ADAMTS18: variants seen among roughly 807,000 people sequenced by gnomAD.
ADAMTS18 encodes A disintegrin and metalloproteinase with thrombospondin motifs 18.
In ADAMTS18, 157 loss-of-function variants were observed where a neutral mutation model predicts 165.9. The ratio of observed to expected loss-of-function variants is 0.95; its 90% CI spans 0.83 to 1.08. ADAMTS18 has a LOEUF of 1.08. Ranked by LOEUF, ADAMTS18 falls within the 50% of genes least tolerant of loss-of-function variation. ADAMTS18 has a pLI of 0.00. For missense variants in ADAMTS18, 2,040 were observed against 1,534.0 expected (o/e 1.33, Z -5.51); for synonymous variants, 782 against 578.2 (o/e 1.35, Z -5.06).
chr16:77,405,814 T>A (rs569960772), intron 3 of ADAMTS18, among the ~76,000 whole-genome samples: 3 of 152,148 alleles, frequency 2.0e-5, no homozygotes, highest in Non-Finnish European at 2.9e-5. Context: ...CTCTCCCTCT[T>A]CTTATAAAGA....
chr16:77,360,042 C>T (rs1375314337), intron 7 of ADAMTS18, among the ~76,000 whole-genome samples: 2 of 152,192 alleles, frequency 1.3e-5, no homozygotes, highest in African/African-American at 4.8e-5. Context: ...TCTTCAAATA[C>T]AATACAGTGT....
intron 12 of ADAMTS18, among the ~76,000 whole-genome samples, chr16:77,332,788 G>A (rs962784242): frequency 6.6e-6 from 1 of 152,168 alleles, no homozygotes; most frequent in Non-Finnish European, 1.5e-5. Context: ...GGTGACCACA[G>A]GCCAATTGCA....
intron 10 of ADAMTS18, among the ~76,000 whole-genome samples, chr16:77,343,613 C>T (rs1163434407): frequency 4.6e-5 from 7 of 152,158 alleles, no homozygotes; most frequent in African/African-American, 7.2e-5. Flanking sequence ...CAAAGGCAGG[C>T]CTCAAGCTGG....
intron 19 of ADAMTS18, 133 bp from the exon 20 acceptor site, chr16:77,293,391 G>A: frequency 1.3e-6 from 1 of 776,936 alleles, no homozygotes; most frequent in South Asian, 1.6e-5. Flanking sequence ...CTTTTTACGA[G>A]ATCTACTTAA....
At chr16:77,333,289 A>G (rs1358724766) in intron 12 of ADAMTS18, among the ~76,000 whole-genome samples, 1 of 152,016 alleles carries the variant, frequency 6.6e-6, no homozygotes, top group African/African-American at 2.4e-5. Flanking sequence ...GTGTTTTCTC[A>G]CACTAGGGCC....
At chr16:77,397,286 C>A (rs2057271060) in intron 3 of ADAMTS18, among the ~76,000 whole-genome samples, 1 of 152,132 alleles carries the variant, frequency 6.6e-6, no homozygotes, top group Non-Finnish European at 1.5e-5. Flanking sequence ...ACACTGTATA[C>A]AAAAGAAGGG....
intron 3 of ADAMTS18, among the ~76,000 whole-genome samples, chr16:77,425,056 A>G (rs958104863): frequency 6.6e-6 from 1 of 152,214 alleles, no homozygotes; most frequent in African/African-American, 2.4e-5. Flanking sequence ...GTCATAAAAT[A>G]CTTTTGAAAG....
intron 3 of ADAMTS18, among the ~76,000 whole-genome samples, chr16:77,368,393 C>A (rs8056994): frequency 0.1 from 15,890 of 151,634 alleles, 2,290 homozygotes; most frequent in African/African-American, 0.32. Flanking sequence ...ATAAAAATAC[C>A]CCCACTCATT....
At chr16:77,367,348 T>C (rs1428166521) in intron 4 of ADAMTS18, 93 bp downstream of exon 4, 49 of 1,472,706 alleles carry the variant, frequency 3.3e-5, no homozygotes, top group East Asian at 4.6e-5. Flanking sequence ...GGTAGCCCCA[T>C]TTTGACTTGC....
chr16:77,391,249 C>T (rs1029526577), intron 3 of ADAMTS18, among the ~76,000 whole-genome samples: 1 of 151,984 alleles, frequency 6.6e-6, no homozygotes, highest in African/African-American at 2.4e-5. Context: ...ATGCCTGTAA[C>T]CCCAGCACTT....
intron 12 of ADAMTS18, among the ~76,000 whole-genome samples, chr16:77,332,111 C>T (rs1162678084): frequency 1.3e-5 from 2 of 152,092 alleles, no homozygotes; most frequent in Non-Finnish European, 2.9e-5. Context: ...GAATCTGGAG[C>T]AGGAAGACTA....
chr16:77,427,673 A>G (rs2057690614), intron 3 of ADAMTS18, among the ~76,000 whole-genome samples: 1 of 152,230 alleles, frequency 6.6e-6, no homozygotes, highest in African/African-American at 2.4e-5. Context: ...ATCTCTAAAC[A>G]TAACAGTAGG....
At chr16:77,423,169 A>C (rs17621255) in intron 3 of ADAMTS18, among the ~76,000 whole-genome samples, 1 of 152,144 alleles carries the variant, frequency 6.6e-6, no homozygotes, top group African/African-American at 2.4e-5. Context: ...AACTACTTAT[A>C]ACGCCAGCTT....
chr16:77,332,074 T>C lies in ADAMTS18; in HGVS notation c.1859+3682A>G, dbSNP rs377231472. Among the ~76,000 whole-genome samples the C allele has an allele frequency of 4.6e-5, 7 of 152,302 alleles. 1 individual carries two copies. In the East Asian group the frequency reaches 1.2e-3, roughly 25 times the overall value. On this transcript the variant is annotated intron_variant, in intron 12 of 22. Transcript: ENST00000282849. ...ATGTTAACTCAGTTGACATAGGTAC[T>C]ATCGTTATCCCGTTTTTATAAGTGA...
chr16:77,376,374 C>G (rs1056007980), intron 3 of ADAMTS18, among the ~76,000 whole-genome samples: 9 of 152,174 alleles, frequency 5.9e-5, no homozygotes, highest in Non-Finnish European at 8.8e-5. Flanking sequence ...CTGGGAATTA[C>G]AAATCCACGT....
chr16:77,313,341 G>A (rs937718452), intron 16 of ADAMTS18, among the ~76,000 whole-genome samples: 1 of 151,996 alleles, frequency 6.6e-6, no homozygotes, highest in African/African-American at 2.4e-5. Flanking sequence ...TATACCTAAC[G>A]TAAATGACGA....
At position 77,364,353 on chromosome 16, in the gene ADAMTS18, G is replaced by A; in HGVS notation, c.807C>T (p.Thr269=). 2 of 1,613,820 alleles carry A rather than the reference G, an allele frequency of 1.2e-6. No homozygotes were observed. The highest frequency in any genetic ancestry group is 1.7e-6 in the Non-Finnish European group (2 of 1,179,996). Residue 269 remains threonine (T), a synonymous_variant, in exon 5 of 23, where the codon ACC becomes ACT. Coordinates refer to ENST00000282849, the MANE Select transcript of ADAMTS18 (RefSeq NM_199355.4). The part of the protein sequence containing the change: ...KYAPKPPTED[T]YLRFDEYGSS... ...TCCCATATTCATCAAACCTTAGATA[G>A]GTGTCCTCTGTGGGAGGCTTGGGAG... is the stretch of plus-strand genomic sequence containing the variant.
chr16:77,413,819 A>C (rs2057495683), intron 3 of ADAMTS18, among the ~76,000 whole-genome samples: 1 of 151,760 alleles, frequency 6.6e-6, no homozygotes, highest in South Asian at 2.1e-4. Flanking sequence ...AAAAAAAAAA[A>C]AGCAAAAGTT....
intron 21 of ADAMTS18, 114 bp downstream of exon 21, chr16:77,291,152 C>G (rs750339511): frequency 1.0e-4 from 122 of 1,194,700 alleles, no homozygotes; most frequent in Non-Finnish European, 1.4e-4. Context: ...AACTTGAGCC[C>G]TTAGTTGTTT....
Sources: gnomAD v4.1 joint callset for allele counts (sites outside exome capture counted in the v4.1 genomes callset) on GRCh38, gnomAD v4.1.1 for gene constraint, MANE v1.5 for transcripts, NCBI Gene and HGNC (gene_info 2026-07-23, HGNC 2026-07-21) for gene names.